The following TFB1M variants were observed in gnomAD, a reference collection of about 807,000 sequenced individuals.
TFB1M encodes the protein transcription factor B1, mitochondrial, also known as dimethyladenosine transferase 1, mitochondrial.
Under a neutral mutation model 31.1 loss-of-function variants are expected in TFB1M, and 27 were observed. The observed-to-expected ratio is 0.87, with a 90% CI of 0.64 to 1.20. The LOEUF is 1.20. TFB1M is among the 50% of genes most tolerant of loss of function. The pLI is 0.00. For synonymous variants in TFB1M, 166 were observed against 151.8 expected (o/e 1.09, Z -0.69); for missense variants, 394 against 418.7 (o/e 0.94, Z 0.51).
Position 155,302,393 on chromosome 6 carries a change from T to C in TFB1M, c.286-3808A>G, listed in dbSNP as rs962316703. 4.9e-4 allele frequency among the ~76,000 whole-genome samples: 75 copies of C among 152,164 alleles called. 1 individual carries two copies. The highest frequency in any genetic ancestry group is 1.8e-4 in the Non-Finnish European group (12 of 68,024). On this transcript the variant is annotated intron_variant, in intron 2 of 6. Transcript: ENST00000367166. ...AAATATAGTAGGTGAAAGATAAAATTTGTATTCTTATATATAACACATATA... is the reference window on the plus strand; with the variant it reads ...AAATATAGTAGGTGAAAGATAAAATCTGTATTCTTATATATAACACATATA...
intron 5 of TFB1M, among the ~76,000 whole-genome samples, chr6:155,281,644 C>T (rs190709584): frequency 6.7e-6 from 1 of 148,458 alleles, no homozygotes; most frequent in Non-Finnish European, 1.5e-5. Context: ...ATCATTTGAA[C>T]CCAGAAGGTG....
intron 5 of TFB1M, among the ~76,000 whole-genome samples, chr6:155,279,408 G>A (rs1343759152): frequency 6.6e-6 from 1 of 152,150 alleles, no homozygotes; most frequent in East Asian, 1.9e-4. Flanking sequence ...GTCAGCAGTT[G>A]TAAAGGTCTG....
chr6:155,275,479 C>T, intron 5 of TFB1M: 2 of 460,976 alleles, frequency 4.3e-6, no homozygotes, highest in Admixed American at 3.7e-5. Context: ...TTTTCTCCTC[C>T]AGCCTACAGC....
chr6:155,270,629 C>CTTT (rs1489031766), intron 5 of TFB1M, among the ~76,000 whole-genome samples: 19 of 152,118 alleles, frequency 1.2e-4, no homozygotes, highest in Admixed American at 1.2e-3. Context: ...ATTAAATGTA[C>CTTT]ATTAAAGCAT....
intron 4 of TFB1M, among the ~76,000 whole-genome samples, chr6:155,287,842 C>G (rs2114749331): frequency 6.6e-6 from 1 of 152,218 alleles, no homozygotes; most frequent in South Asian, 2.1e-4. Context: ...TTCTTAAGAG[C>G]TCAAAGGACA....
rs1784179763 is a variant in TFB1M, at chr6:155,257,914, A to AT, written c.962dup (p.Asn321LysfsTer14). 6.2e-7 allele frequency: 1 copy of AT among 1,614,126 alleles called. No homozygotes were observed. Among genetic ancestry groups the AT allele is most frequent in the African/African-American group, 1.3e-5 (1 of 75,016 alleles). ...TTCTTCGCTTGAGTTCTTCTCTGAA[A>AT]TTATATGCAAAGAGTTGTGGGTCTT... On this transcript the variant is annotated frameshift_variant, in exon 7 of 7. Transcript: ENST00000367166. LOFTEE classifies it low-confidence loss of function (END_TRUNC).
chr6:155,292,576 C>T (rs1776980036), intron 4 of TFB1M, among the ~76,000 whole-genome samples: 1 of 151,990 alleles, frequency 6.6e-6, no homozygotes, highest in South Asian at 2.1e-4. Flanking sequence ...TCCACCAGAA[C>T]AATAAAAGCC....
intron 5 of TFB1M, chr6:155,275,776 T>C: frequency 6.2e-7 from 1 of 1,614,162 alleles, no homozygotes; most frequent in Non-Finnish European, 8.5e-7. Flanking sequence ...CTGGGGTCTC[T>C]GGAGTGCTCA....
intron 2 of TFB1M, among the ~76,000 whole-genome samples, chr6:155,302,001 A>T (rs1246539604): frequency 1.3e-5 from 2 of 151,758 alleles, no homozygotes; most frequent in African/African-American, 4.8e-5. Context: ...GTGGCCATTT[A>T]AAAAAAAATC....
rs1234045519 is a variant in TFB1M at position 155,298,621 on chromosome 6, T to C, written c.286-36A>G. The C allele has an allele frequency of 6.6e-6, 9 of 1,373,742 alleles. 1 individual carries two copies. The highest frequency in any genetic ancestry group is 5.0e-5 in the Admixed American group (3 of 59,578). The allele number at this position is 1,373,742 out of a possible 1,614,324, so 85.1% of individuals were successfully genotyped here. On this transcript the variant is annotated intron_variant, in intron 2 of 6. Coordinates refer to ENST00000367166, the MANE Select transcript of TFB1M (RefSeq NM_016020.4). ...AAAAGATCAGTAAAATGAGCTCATATACTTATGCGAGTAACAAAACTAAAC... is the reference window on the plus strand; with the variant it reads ...AAAAGATCAGTAAAATGAGCTCATACACTTATGCGAGTAACAAAACTAAAC...
At chr6:155,245,368 ACTTT>A in the TFB1M span, among the ~76,000 whole-genome samples, 21 of 152,072 alleles carry the variant, frequency 1.4e-4, no homozygotes, top group Admixed American at 5.9e-4. Context: ...TTTTTGTAGA[ACTTT>A]CTTTGTTTCT....
At chr6:155,308,311 A>C (rs2114812274) in intron 2 of TFB1M, among the ~76,000 whole-genome samples, 1 of 152,314 alleles carries the variant, frequency 6.6e-6, no homozygotes, top group Non-Finnish European at 1.5e-5. Flanking sequence ...CTAGTGCTCC[A>C]ATGGAATAAC....
the TFB1M span, chr6:155,248,207 A>G: frequency 6.2e-7 from 1 of 1,606,652 alleles, no homozygotes; most frequent in Non-Finnish European, 8.5e-7. Flanking sequence ...CCTCCGGGCG[A>G]GGGCCTGCAC....
At chr6:155,270,597 T>C (rs1162600621) in intron 5 of TFB1M, among the ~76,000 whole-genome samples, 1 of 152,170 alleles carries the variant, frequency 6.6e-6, no homozygotes, top group Non-Finnish European at 1.5e-5. Flanking sequence ...ATAATCAACA[T>C]GTTTTGAGAA....
At chr6:155,242,922 T>C in the TFB1M span, among the ~76,000 whole-genome samples, 2 of 147,666 alleles carry the variant, frequency 1.4e-5, no homozygotes, top group East Asian at 3.9e-4. Context: ...TTCTTTTTTT[T>C]AGTAGAAACA....
intron 5 of TFB1M, among the ~76,000 whole-genome samples, chr6:155,283,293 T>C (rs1776470251): frequency 1.3e-5 from 2 of 152,314 alleles, no homozygotes; most frequent in African/African-American, 2.4e-5. Context: ...ATAGCCGGTG[T>C]GGTGGTGCAC....
At chr6:155,307,121 C>G (rs983238698) in intron 2 of TFB1M, among the ~76,000 whole-genome samples, 4 of 138,070 alleles carry the variant, frequency 2.9e-5, no homozygotes, top group Non-Finnish European at 6.2e-5. Context: ...AGAGTGAGAC[C>G]ATGTCTCAAA....
At chr6:155,245,836 T>A in the TFB1M span, 1 of 762,660 alleles carries the variant, frequency 1.3e-6, no homozygotes, top group Non-Finnish European at 2.1e-6. Flanking sequence ...ACAATTTTGA[T>A]GTATTAAGGT....
At chr6:155,260,765 T>C (rs1182385289) in intron 5 of TFB1M, 1 of 344,196 alleles carries the variant, frequency 2.9e-6, no homozygotes, top group African/African-American at 2.1e-5. Flanking sequence ...AGGAAAAAAA[T>C]AAGCCGCAGC....
Sources: gnomAD v4.1 joint callset for allele counts (sites outside exome capture counted in the v4.1 genomes callset) on GRCh38, gnomAD v4.1.1 for gene constraint, MANE v1.5 for transcripts, NCBI Gene and HGNC (gene_info 2026-07-23, HGNC 2026-07-21) for gene names.